Variants in CRYL1 observed in about 807,000 individuals in gnomAD.
CRYL1 encodes crystallin lambda 1.
In CRYL1, 29 loss-of-function variants were observed where a neutral mutation model predicts 36.6. The observed-to-expected ratio is 0.79, with a 90% CI of 0.59 to 1.08. The LOEUF is 1.08. Ranked by LOEUF, CRYL1 falls within the 50% of genes least tolerant of loss-of-function variation. The pLI is 0.00. For missense variants in CRYL1, 411 were observed against 407.9 expected (o/e 1.01, Z -0.06); for synonymous variants, 152 against 151.5 (o/e 1.00, Z -0.02).
chr13:20,521,829 T>C (rs568315901), intron 1 of CRYL1, among the ~76,000 whole-genome samples: 2 of 152,262 alleles, frequency 1.3e-5, no homozygotes, highest in South Asian at 2.1e-4. Context: ...ATTTACTGGG[T>C]AAAAATTGAA....
intron 2 of CRYL1, 145 bp from the exon 3 acceptor site, chr13:20,489,641 T>C: frequency 1.1e-6 from 1 of 921,842 alleles, no homozygotes; most frequent in Non-Finnish European, 1.6e-6. Context: ...CTACCAAAAA[T>C]AGAAACTAGC....
chr13:20,477,695 T>A (rs2033192180), intron 3 of CRYL1, among the ~76,000 whole-genome samples: 1 of 146,154 alleles, frequency 6.8e-6, no homozygotes, highest in Non-Finnish European at 1.5e-5. Flanking sequence ...TAAAAATATA[T>A]TAAAAATATA....
intron 5 of CRYL1, chr13:20,418,888 GA>G (rs1463921651): frequency 6.6e-6 from 1 of 152,204 alleles, no homozygotes; most frequent in Non-Finnish European, 1.5e-5. Context: ...AGAAACAGGA[GA>G]AAAATTAAGA....
chr13:20,450,800 T>A (rs1185629460), intron 3 of CRYL1, among the ~76,000 whole-genome samples: 1 of 152,102 alleles, frequency 6.6e-6, no homozygotes, highest in Non-Finnish European at 1.5e-5. Context: ...AGCAAAGACT[T>A]GGAACCAACC....
intron 3 of CRYL1, among the ~76,000 whole-genome samples, chr13:20,442,726 CTT>C (rs929072510): frequency 6.6e-6 from 1 of 152,178 alleles, no homozygotes; most frequent in Non-Finnish European, 1.5e-5. Context: ...ATCAGCTTGA[CTT>C]TGCTTAATTA....
Position 20,439,688 on chromosome 13 carries a change from C to A in CRYL1, c.343G>T (p.Asp115Tyr). The change falls in exon 4 of 8, where the codon GAT becomes TAT. Residue 115 changes from aspartate to tyrosine, a missense_variant. Asp to Tyr is a radical substitution (Grantham distance 160). Coordinates refer to ENST00000298248, the MANE Select transcript of CRYL1 (RefSeq NM_015974.3). Reference sequence around the variant, plus strand: ...GTGGAACTGCTTAAGATCACTCGATCATCAATGATGGAATCTAACTGAGCA... The same window carrying A: ...GTGGAACTGCTTAAGATCACTCGATAATCAATGATGGAATCTAACTGAGCA... ...IFAQLDSIID[D>Y]RVILSSSTSC... The A allele has an allele frequency of 6.2e-7, 1 of 1,614,050 alleles. No individual in the cohort carries two copies. Among genetic ancestry groups the A allele is most frequent in the South Asian group, 1.1e-5 (1 of 91,066 alleles).
intron 2 of CRYL1, among the ~76,000 whole-genome samples, chr13:20,511,844 TC>T (rs1182714047): frequency 1.3e-5 from 2 of 152,150 alleles, no homozygotes; most frequent in Non-Finnish European, 2.9e-5. Context: ...GTGACTACCA[TC>T]CCTAAAACAG....
intron 3 of CRYL1, among the ~76,000 whole-genome samples, chr13:20,470,307 A>C (rs2033027330): frequency 6.6e-6 from 1 of 152,162 alleles, no homozygotes; most frequent in African/African-American, 2.4e-5. Flanking sequence ...CAGTGCATAG[A>C]ATGTGCTTCC....
In CRYL1 at chr13:20,525,815, G is replaced by C. The variant is rs2034182621; in HGVS notation, c.-21C>G. The C allele has an allele frequency of 1.6e-6, 2 of 1,230,306 alleles. No individual in the cohort carries two copies. Among genetic ancestry groups the C allele is most frequent in the Admixed American group, 4.3e-5 (1 of 23,268 alleles). The allele number at this position is 1,230,306 out of a possible 1,614,324, so 76.2% of individuals were successfully genotyped here. A position where few individuals can be genotyped will look rare whatever the true frequency, so the allele number is the denominator to read the frequency against. On this transcript the variant is annotated 5_prime_UTR_variant, in exon 1 of 8. Transcript: ENST00000298248. The surrounding 1 kb of genome is among the most constrained non-coding windows in gnomAD (Gnocchi z 4.3). ...GCCATGGTTGGGCCGGGGACGCGGCGCCGCGGGCGCTGGGACCAGGCGCCG... is the reference window on the plus strand; with the variant it reads ...GCCATGGTTGGGCCGGGGACGCGGCCCCGCGGGCGCTGGGACCAGGCGCCG...
chr13:20,460,772 G>T (rs1457418252), intron 3 of CRYL1, among the ~76,000 whole-genome samples: 1 of 152,212 alleles, frequency 6.6e-6, no homozygotes, highest in South Asian at 2.1e-4. Context: ...TGATCTGCCC[G>T]TCTCCGCCTC....
intron 3 of CRYL1, among the ~76,000 whole-genome samples, chr13:20,466,270 A>C (rs902227909): frequency 6.6e-6 from 1 of 152,232 alleles, no homozygotes; most frequent in Non-Finnish European, 1.5e-5. Context: ...ATTCTTAAAC[A>C]AGTGTTAAGG....
chr13:20,440,818 G>A (rs1383382013), intron 3 of CRYL1, among the ~76,000 whole-genome samples: 1 of 152,228 alleles, frequency 6.6e-6, no homozygotes, highest in Non-Finnish European at 1.5e-5. Flanking sequence ...GGGTAGGGGA[G>A]TGGGATAAAG....
chr13:20,415,876 C>T lies in CRYL1; in HGVS notation c.634-2489G>A, dbSNP rs755323439. Among the ~76,000 whole-genome samples, 38 of 152,228 alleles carry T rather than the reference C, an allele frequency of 2.5e-4. 1 individual carries two copies. Among genetic ancestry groups the T allele is most frequent in the Non-Finnish European group, 2.5e-4 (17 of 68,032 alleles). On this transcript the variant is annotated intron_variant, in intron 5 of 7. Transcript: ENST00000298248. The surrounding 1 kb of genome is among the most constrained non-coding windows in gnomAD (Gnocchi z 4.1). ...CGTTCTTTCGTGACTTGTCTCTCAC[C>T]ATCCTGTTTCTCAGATTCACCTGCG...
At chr13:20,458,461 T>C (rs1195597824) in intron 3 of CRYL1, among the ~76,000 whole-genome samples, 1 of 152,112 alleles carries the variant, frequency 6.6e-6, no homozygotes, top group African/African-American at 2.4e-5. Flanking sequence ...CCAACAGAAA[T>C]ATACTGTGAG....
chr13:20,477,806 T>G (rs2033194398), intron 3 of CRYL1, among the ~76,000 whole-genome samples: 1 of 146,070 alleles, frequency 6.8e-6, no homozygotes, highest in Non-Finnish European at 1.5e-5. Flanking sequence ...CCATTATGTA[T>G]TCTATTATAT....
chr13:20,525,056 G>T lies in CRYL1; in HGVS notation c.41+698C>A, dbSNP rs61955538. 0.25 allele frequency among the ~76,000 whole-genome samples: 34,785 copies of T among 138,242 alleles called. 4,484 individuals are homozygous for T. Among genetic ancestry groups the T allele is most frequent in the East Asian group, 0.4 (1,797 of 4,472 alleles). The allele number at this position is 138,242 out of a possible 152,430, so 90.7% of individuals were successfully genotyped here. On this transcript the variant is annotated intron_variant, in intron 1 of 7. Transcript: ENST00000298248. This position sits in a 1 kb window ranked among gnomAD's most constrained non-coding sequence, Gnocchi z 4.3. Reference sequence around the variant, plus strand: ...TGTAACCGTAGGGGTGGGGGGCGGGGTGGGGGAAGCACACACTAAAAATCA... The same window carrying T: ...TGTAACCGTAGGGGTGGGGGGCGGGTTGGGGGAAGCACACACTAAAAATCA...
Position 20,420,701 on chromosome 13 carries a change from T to TTTTTTTTTTTTTTTTTTTTTGTGTGTG in CRYL1, c.634-7315_634-7314insCACACACAAAAAAAAAAAAAAAAAAAA. Among the ~76,000 whole-genome samples the TTTTTTTTTTTTTTTTTTTTTGTGTGTG allele has an allele frequency of 2.3e-4, 5 of 21,840 alleles. 1 individual carries two copies. The highest frequency in any genetic ancestry group is 6.9e-4 in the Admixed American group (2 of 2,880). The allele number at this position is 21,840 out of a possible 152,430, so 14.3% of individuals were successfully genotyped here. ...CTTTGACTTTTCTTTAAAATAGAGG[T>TTTTTTTTTTTTTTTTTTTTTGTGTGTG]TGTGTGTGTGTGTGTGTGTGTGTGT... On this transcript the variant is annotated intron_variant, in intron 5 of 7. Transcript: ENST00000298248.
intron 3 of CRYL1, among the ~76,000 whole-genome samples, chr13:20,476,310 G>A (rs890041364): frequency 1.3e-4 from 20 of 149,256 alleles, no homozygotes; most frequent in African/African-American, 5.0e-4. Context: ...AGCCAAGATC[G>A]CGCCACTGCA....
Position 20,439,544 on chromosome 13 carries a change from C to CAAAAAA in CRYL1, c.438+48_438+49insTTTTTT. 1.1e-5 allele frequency: 6 copies of CAAAAAA among 561,760 alleles called. No homozygotes were observed. In the East Asian group the frequency reaches 1.9e-4, roughly 17 times the overall value. 34.8% of individuals were successfully genotyped at this position (561,760 alleles called of 1,614,324 possible). A position where few individuals can be genotyped will look rare whatever the true frequency, so the allele number is the denominator to read the frequency against. On this transcript the variant is annotated intron_variant, in intron 4 of 7. Transcript: ENST00000298248. ...AAAAAAAAAAAAGAAAAAAAAAAAA[C>CAAAAAA]ACAGAATGAGATGAGATACAATCAA... is the stretch of plus-strand genomic sequence containing the variant.
Sources: allele counts gnomAD v4.1 joint callset (sites outside exome capture counted in the v4.1 genomes callset), GRCh38; gene constraint gnomAD v4.1.1; non-coding constraint Gnocchi (gnomAD v3.1); transcripts MANE v1.5; gene names NCBI Gene and HGNC (gene_info 2026-07-23, HGNC 2026-07-21).